Variants in USP37 observed in about 807,000 individuals in gnomAD.
The protein encoded by USP37 is ubiquitin specific peptidase 37.
A neutral mutation model predicts 124.0 loss-of-function variants in USP37; 27 were observed. The observed-to-expected ratio is 0.22, with a 90% CI of 0.16 to 0.30. The LOEUF (loss-of-function observed/expected upper bound fraction) is 0.30. Ranked by LOEUF, USP37 falls within the 10% of genes least tolerant of loss-of-function variation. USP37 has a pLI of 1.00. For synonymous variants in USP37, 365 were observed against 388.0 expected (o/e 0.94, Z 0.70); for missense variants, 889 against 1,140.4 (o/e 0.78, Z 3.17).
intron 8 of USP37, among the ~76,000 whole-genome samples, chr2:218,536,735 G>T (rs1164773682): frequency 6.6e-6 from 1 of 152,104 alleles, no homozygotes; most frequent in African/African-American, 2.4e-5. Flanking sequence ...TTCAGATTCT[G>T]CTTCTGGGGA....
chr2:218,524,352 G>A (rs1436958227), intron 10 of USP37, among the ~76,000 whole-genome samples: 1 of 152,054 alleles, frequency 6.6e-6, no homozygotes, highest in Non-Finnish European at 1.5e-5. Flanking sequence ...CTCCCACCTA[G>A]TCCTCCCAAA....
chr2:218,482,274 A>T, intron 16 of USP37, 40 bp from the exon 17 acceptor site: 1 of 1,570,414 alleles, frequency 6.4e-7, no homozygotes. Flanking sequence ...ATTCATACAT[A>T]ATACATGTAT....
At chr2:218,554,836 A>T (rs1692874281) in intron 4 of USP37, among the ~76,000 whole-genome samples, 1 of 152,220 alleles carries the variant, frequency 6.6e-6, no homozygotes, top group Admixed American at 6.5e-5. Flanking sequence ...GGTAGTTTCA[A>T]TATAAAAGAT....
chr2:218,525,597 C>G (rs1196067062), intron 10 of USP37, among the ~76,000 whole-genome samples: 1 of 152,160 alleles, frequency 6.6e-6, no homozygotes, highest in African/African-American at 2.4e-5. Context: ...CTATCTGCTT[C>G]CTATTCCAAT....
intron 10 of USP37, among the ~76,000 whole-genome samples, chr2:218,529,596 AG>A (rs1205709279): frequency 5.3e-5 from 8 of 152,082 alleles, no homozygotes; most frequent in Non-Finnish European, 8.8e-5. Context: ...AGGAAATTTG[AG>A]ACCAGGCTGG....
intron 10 of USP37, among the ~76,000 whole-genome samples, chr2:218,523,852 C>G (rs1011667690): frequency 2.6e-5 from 4 of 152,180 alleles, no homozygotes; most frequent in African/African-American, 9.7e-5. Context: ...ATTTCATTTT[C>G]TTGTCCTACT....
chr2:218,515,626 C>T (rs920064625), intron 10 of USP37, among the ~76,000 whole-genome samples: 2 of 152,218 alleles, frequency 1.3e-5, no homozygotes, highest in Non-Finnish European at 2.9e-5. Context: ...CCATTCAGGA[C>T]ATAGGCATGA....
At chr2:218,560,427 G>A (rs1050243262) in intron 3 of USP37, among the ~76,000 whole-genome samples, 1 of 152,150 alleles carries the variant, frequency 6.6e-6, no homozygotes, top group African/African-American at 2.4e-5. Flanking sequence ...AAATGTTTTA[G>A]TGTTGTAGAA....
Position 218,558,552 on chromosome 2 carries a change from A to G in USP37, c.102T>C (p.Asn34=), listed in dbSNP as rs1693151175. 1 of 1,613,426 alleles carries G rather than the reference A, an allele frequency of 6.2e-7. No individual in the cohort carries two copies. The highest frequency in any genetic ancestry group is 1.3e-5 in the African/African-American group (1 of 74,894). Residue 34 remains asparagine, a synonymous_variant, in exon 4 of 26, where the codon AAT becomes AAC. Transcript: ENST00000258399. The stretch of plus-strand genomic sequence containing the variant: ...TGTAGTGAACTACTAGGCTGACTTT[A>G]TTCTCTTTTTCTACAATTTCAAAGG... ...EGSFEIVEKE[N]KVSLVVHYNT... is the part of the protein sequence containing the mutation.
intron 1 of USP37, among the ~76,000 whole-genome samples, chr2:218,567,085 T>C (rs1559237132): frequency 6.6e-6 from 1 of 152,078 alleles, no homozygotes; most frequent in Non-Finnish European, 1.5e-5. Flanking sequence ...AAGTCATCAA[T>C]ATATAGATCA....
At chr2:218,562,920 T>G in intron 1 of USP37, 107 bp from the exon 2 acceptor site, 1 of 383,930 alleles carries the variant, frequency 2.6e-6, no homozygotes, top group Non-Finnish European at 4.6e-6. Flanking sequence ...TCCCAGCACT[T>G]TGAGAGGTGG....
chr2:218,477,867 G>C (rs938048236), intron 18 of USP37, among the ~76,000 whole-genome samples: 14 of 152,106 alleles, frequency 9.2e-5, no homozygotes, highest in Non-Finnish European at 4.4e-5. Context: ...GTAAGCTTCA[G>C]TTATATAAAA....
intron 2 of USP37, 113 bp downstream of exon 2, chr2:218,562,560 T>C: frequency 2.5e-6 from 1 of 393,882 alleles, no homozygotes; most frequent in Non-Finnish European, 4.5e-6. Context: ...CAGTGGTAAA[T>C]AAAGTATGGC....
intron 10 of USP37, among the ~76,000 whole-genome samples, chr2:218,520,723 T>G (rs953629931): frequency 4.6e-5 from 7 of 152,216 alleles, no homozygotes; most frequent in Admixed American, 1.3e-4. Flanking sequence ...AGTCCATATA[T>G]TACATTTGGT....
At chr2:218,460,018 G>A (rs1047956838) in intron 22 of USP37, 113 bp from the exon 23 acceptor site, 11 of 604,060 alleles carry the variant, frequency 1.8e-5, no homozygotes, top group South Asian at 4.0e-5. Context: ...ATCACCTGAG[G>A]TCAGGAGTTC....
At chr2:218,566,711 A>G (rs1040344431) in intron 1 of USP37, among the ~76,000 whole-genome samples, 2 of 152,238 alleles carry the variant, frequency 1.3e-5, no homozygotes, top group Non-Finnish European at 1.5e-5. Context: ...TTTACAGATG[A>G]TAATACAGGA....
chr2:218,546,910 C>A lies in USP37; in HGVS notation c.602+9G>T. 1 of 1,602,838 alleles carries A rather than the reference C, an allele frequency of 6.2e-7. No homozygotes were observed. The highest frequency in any genetic ancestry group is 8.5e-7 in the Non-Finnish European group (1 of 1,177,420). On this transcript the variant is annotated intron_variant, in intron 7 of 25. Coordinates refer to ENST00000258399, the MANE Select transcript of USP37 (RefSeq NM_020935.3). Reference sequence around the variant, plus strand: ...TACAGCTAGTGACTAAGAAAAAAGTCTCTCCTACCGATTTTCTAGCAACCC... The same window carrying A: ...TACAGCTAGTGACTAAGAAAAAAGTATCTCCTACCGATTTTCTAGCAACCC...
chr2:218,463,605 G>A (rs1368398846), intron 21 of USP37, among the ~76,000 whole-genome samples: 2 of 143,456 alleles, frequency 1.4e-5, no homozygotes, highest in Non-Finnish European at 3.0e-5. Flanking sequence ...GTGTGATCTC[G>A]GCTCAATGCA....
rs1016139069 is a variant in USP37, at chr2:218,496,103, G to A, written c.1282-153C>T. 2.6e-5 allele frequency among the ~76,000 whole-genome samples: 4 copies of A among 152,176 alleles called. 1 individual carries two copies. Among genetic ancestry groups the A allele is most frequent in the Non-Finnish European group, 5.9e-5 (4 of 67,998 alleles). ...GAGGTCAGGAGTTCGAGACCAGCCC[G>A]GCCAACATGGTGAAATGCCATCTTT... On this transcript the variant is annotated intron_variant, in intron 13 of 25. Coordinates refer to ENST00000258399, the MANE Select transcript of USP37 (RefSeq NM_020935.3).
Sources: gnomAD v4.1 joint callset for allele counts (sites outside exome capture counted in the v4.1 genomes callset) on GRCh38, gnomAD v4.1.1 for gene constraint, MANE v1.5 for transcripts, NCBI Gene and HGNC (gene_info 2026-07-23, HGNC 2026-07-21) for gene names.